Variants in NEO1 observed in about 807,000 individuals in gnomAD.
The protein encoded by NEO1 is neogenin.
A neutral mutation model predicts 159.7 loss-of-function variants in NEO1; 63 were observed. That is an observed-to-expected ratio of 0.39 (90% confidence interval 0.32 to 0.49). The LOEUF (loss-of-function observed/expected upper bound fraction) is 0.49, where lower values mean the gene tolerates loss of function less well. Ranked by LOEUF, NEO1 falls within the 20% of genes least tolerant of loss-of-function variation. The pLI is 0.85. For missense variants in NEO1, 1,615 were observed against 1,831.0 expected, an observed-to-expected ratio of 0.88 and a Z score of 2.15; for synonymous variants, 633 against 662.0, an observed-to-expected ratio of 0.96 and a Z score of 0.67.
At chr15:73,208,690 C>T (rs1403792985) in intron 7 of NEO1, among the ~76,000 whole-genome samples, 3 of 151,816 alleles carry the variant, frequency 2.0e-5, no homozygotes, top group Admixed American at 2.0e-4. Context: ...GGTGAAATGC[C>T]GTCTCTACAA....
rs114910642 is a variant in NEO1, at chr15:73,132,448, A to G, written c.879-3443A>G. Among the ~76,000 whole-genome samples, 363 of 152,302 alleles carry G rather than the reference A, an allele frequency of 2.4e-3. 3 individuals are homozygous for G. Among genetic ancestry groups the G allele is most frequent in the African/African-American group, 7.5e-3 (311 of 41,566 alleles). On this transcript the variant is annotated intron_variant, in intron 4 of 28. Transcript: ENST00000261908. ...AACCATAAAAATTCTAGAAGATAAC[A>G]TTCAAAAAACTCTTCTAGACATTGG...
At chr15:73,264,806 C>A (rs774713319) in intron 15 of NEO1, among the ~76,000 whole-genome samples, 32 of 152,186 alleles carry the variant, frequency 2.1e-4, no homozygotes, top group Non-Finnish European at 4.4e-4. Flanking sequence ...CTCCCTCAAA[C>A]CTGTTGATCA....
chr15:73,121,613 C>G (rs2071656686), intron 2 of NEO1, among the ~76,000 whole-genome samples: 1 of 152,034 alleles, frequency 6.6e-6, no homozygotes, highest in Non-Finnish European at 1.5e-5. Flanking sequence ...TTTTGGTGTC[C>G]ATTGAGGATT....
intron 1 of NEO1, among the ~76,000 whole-genome samples, chr15:73,115,111 C>T (rs1242145586): frequency 1.3e-5 from 2 of 151,724 alleles, no homozygotes; most frequent in African/African-American, 4.8e-5. Flanking sequence ...GGTGTAATCT[C>T]GGCTCACTGC....
chr15:73,125,830 C>A (rs538754075), intron 3 of NEO1, among the ~76,000 whole-genome samples: 1 of 148,670 alleles, frequency 6.7e-6, no homozygotes, highest in African/African-American at 2.4e-5. Context: ...GTTAAAGAGA[C>A]GAAACTCAGA....
chr15:73,088,118 T>C (rs1043105460), intron 1 of NEO1, among the ~76,000 whole-genome samples: 2 of 152,064 alleles, frequency 1.3e-5, no homozygotes, highest in Non-Finnish European at 2.9e-5. Flanking sequence ...TCTTCAGATA[T>C]GTAAAGACAT....
chr15:73,089,165 T>A (rs1281793780), intron 1 of NEO1, among the ~76,000 whole-genome samples: 1 of 152,148 alleles, frequency 6.6e-6, no homozygotes, highest in Non-Finnish European at 1.5e-5. Flanking sequence ...AACACTAGAT[T>A]TTTATGTTTG....
At chr15:73,185,229 G>A (rs943620878) in intron 7 of NEO1, among the ~76,000 whole-genome samples, 15 of 152,134 alleles carry the variant, frequency 9.9e-5, no homozygotes, top group African/African-American at 3.1e-4. Context: ...ATTTGTCCAA[G>A]CCCATAGAAT....
At chr15:73,159,768 G>C (rs1191968423) in intron 5 of NEO1, among the ~76,000 whole-genome samples, 1 of 152,104 alleles carries the variant, frequency 6.6e-6, no homozygotes, top group African/African-American at 2.4e-5. Flanking sequence ...ATGTGTGAGT[G>C]TTTCTGATAG....
intron 5 of NEO1, among the ~76,000 whole-genome samples, chr15:73,143,823 T>C (rs191950759): frequency 2.6e-5 from 4 of 152,328 alleles, no homozygotes; most frequent in Admixed American, 2.6e-4. Flanking sequence ...GACCCCTCTG[T>C]GAAGCTTTTC....
chr15:73,230,543 C>G lies in NEO1; in HGVS notation c.1292-5804C>G, dbSNP rs937912907. 2.0e-5 allele frequency among the ~76,000 whole-genome samples: 3 copies of G among 152,198 alleles called. No homozygotes were observed. The East Asian group carries it at 5.8e-4, about 29-fold the overall frequency. ...ACTACATTTCCCTTAAAGCACCACT[C>G]TAGCTGCATCCTGTAATTTTTAATA... On this transcript the variant is annotated intron_variant, in intron 7 of 28. Transcript: ENST00000261908.
chr15:73,173,197 G>C (rs1291266610), intron 5 of NEO1, among the ~76,000 whole-genome samples: 1 of 152,104 alleles, frequency 6.6e-6, no homozygotes, highest in Non-Finnish European at 1.5e-5. Flanking sequence ...TTGTTTGTCT[G>C]TTTGCTTTGA....
intron 7 of NEO1, among the ~76,000 whole-genome samples, chr15:73,199,659 A>G (rs1022240541): frequency 1.3e-5 from 2 of 152,180 alleles, no homozygotes; most frequent in Non-Finnish European, 2.9e-5. Context: ...TTGTGCTGCT[A>G]TAACAAAATA....
At chr15:73,106,495 A>G (rs909368550) in intron 1 of NEO1, among the ~76,000 whole-genome samples, 3 of 152,210 alleles carry the variant, frequency 2.0e-5, no homozygotes, top group Non-Finnish European at 2.9e-5. Flanking sequence ...TGTGTGTGCA[A>G]TAAGTCTTCT....
In NEO1 at chr15:73,126,588, A is replaced by C; in HGVS notation, c.878+18A>C. 6.2e-7 allele frequency: 1 copy of C among 1,606,702 alleles called. No homozygotes were observed. Among genetic ancestry groups the C allele is most frequent in the Non-Finnish European group, 8.5e-7 (1 of 1,177,300 alleles). ...ACAGAAAGGTAAGTGTTGTCTGCCT[A>C]AAAGCCTTCTTCAGCCTTAGCTTGA... On this transcript the variant is annotated intron_variant, in intron 4 of 28. Transcript: ENST00000261908.
chr15:73,196,100 A>C (rs1312062452), intron 7 of NEO1, among the ~76,000 whole-genome samples: 1 of 152,152 alleles, frequency 6.6e-6, no homozygotes, highest in East Asian at 1.9e-4. Context: ...TGTGGGAATC[A>C]CATTGAGGAG....
chr15:73,196,306 T>G (rs902343157), intron 7 of NEO1, among the ~76,000 whole-genome samples: 1 of 152,234 alleles, frequency 6.6e-6, no homozygotes, highest in Non-Finnish European at 1.5e-5. Flanking sequence ...GTGTTCATTT[T>G]ATTTTATAAC....
At chr15:73,214,463 A>C (rs908440983) in intron 7 of NEO1, among the ~76,000 whole-genome samples, 10 of 152,114 alleles carry the variant, frequency 6.6e-5, no homozygotes, top group Non-Finnish European at 1.2e-4. Flanking sequence ...GTGAGAGTTG[A>C]GGATCCAGTT....
chr15:73,112,202 AT>A (rs1009229456), intron 1 of NEO1, among the ~76,000 whole-genome samples: 10 of 148,460 alleles, frequency 6.7e-5, no homozygotes, highest in African/African-American at 1.2e-4. Flanking sequence ...TAGCCCACTC[AT>A]TTTTTTTTTG....
Sources: allele counts gnomAD v4.1 joint callset (sites outside exome capture counted in the v4.1 genomes callset), GRCh38; gene constraint gnomAD v4.1.1; transcripts MANE v1.5; gene names NCBI Gene and HGNC (gene_info 2026-07-23, HGNC 2026-07-21).